The following CNTNAP5 variants were observed in gnomAD, a reference collection of about 807,000 sequenced individuals.
CNTNAP5 encodes the protein contactin associated protein family member 5.
Under a neutral mutation model 150.2 loss-of-function variants are expected in CNTNAP5, and 72 were observed. The ratio of observed to expected loss-of-function variants is 0.48; its 90% CI spans 0.40 to 0.58. The LOEUF (loss-of-function observed/expected upper bound fraction) is 0.58, where lower values mean the gene tolerates loss of function less well. Among genes scored for constraint, CNTNAP5 ranks in the 20% least tolerant of loss-of-function variants. CNTNAP5 has a pLI of 0.00. For synonymous variants in CNTNAP5, 672 were observed against 619.8 expected (o/e 1.08, Z -1.25); for missense variants, 1,636 against 1,626.2 (o/e 1.01, Z -0.10).
chr2:124,476,987 T>C (rs1422647204), intron 7 of CNTNAP5, among the ~76,000 whole-genome samples: 1 of 152,192 alleles, frequency 6.6e-6, no homozygotes. Flanking sequence ...AATTCTCCAC[T>C]GTGTTTTTCT....
chr2:124,561,833 A>T (rs1695900662), intron 10 of CNTNAP5, among the ~76,000 whole-genome samples: 1 of 152,146 alleles, frequency 6.6e-6, no homozygotes, highest in African/African-American at 2.4e-5. Context: ...TGCTTGCCTC[A>T]GATTCTTAGT....
intron 1 of CNTNAP5, among the ~76,000 whole-genome samples, chr2:124,033,372 G>C (rs967653303): frequency 2.0e-5 from 3 of 152,270 alleles, no homozygotes; most frequent in Non-Finnish European, 4.4e-5. Context: ...CAAACAGACT[G>C]ATGTTATGTA....
chr2:124,277,138 T>C (rs546400748), intron 3 of CNTNAP5, among the ~76,000 whole-genome samples: 1 of 152,274 alleles, frequency 6.6e-6, no homozygotes, highest in East Asian at 1.9e-4. Flanking sequence ...AACAGGCTGC[T>C]TTTAAATAAG....
intron 12 of CNTNAP5, among the ~76,000 whole-genome samples, chr2:124,646,116 T>C (rs1360145781): frequency 6.6e-6 from 1 of 152,232 alleles, no homozygotes; most frequent in East Asian, 1.9e-4. Flanking sequence ...TATTTTCTTT[T>C]ATAGAATTGG....
intron 17 of CNTNAP5, among the ~76,000 whole-genome samples, chr2:124,783,727 T>C (rs1349448959): frequency 1.3e-5 from 2 of 152,186 alleles, no homozygotes; most frequent in African/African-American, 4.8e-5. Context: ...ATGAAGCATG[T>C]AGAAGGTTTG....
intron 13 of CNTNAP5, among the ~76,000 whole-genome samples, chr2:124,718,927 A>G (rs1679997950): frequency 6.6e-6 from 1 of 150,696 alleles, no homozygotes. Flanking sequence ...CCTGGGCAAC[A>G]GAGCAAGACT....
At chr2:124,763,468 T>C (rs893608827) in intron 14 of CNTNAP5, among the ~76,000 whole-genome samples, 8 of 152,108 alleles carry the variant, frequency 5.3e-5, no homozygotes, top group Non-Finnish European at 1.2e-4. Flanking sequence ...AATTCACTTG[T>C]TTTTGGAAGC....
chr2:124,081,661 G>A (rs1682560133), intron 1 of CNTNAP5, among the ~76,000 whole-genome samples: 1 of 152,202 alleles, frequency 6.6e-6, no homozygotes. Context: ...GGATGTGGTA[G>A]CAAGTGAGTG....
intron 20 of CNTNAP5, among the ~76,000 whole-genome samples, chr2:124,866,018 C>T (rs886620314): frequency 2.6e-5 from 4 of 151,504 alleles, no homozygotes; most frequent in African/African-American, 9.7e-5. Context: ...AATCCCAACA[C>T]TTTGGGAGGC....
At chr2:124,197,769 C>T (rs966000004) in intron 1 of CNTNAP5, among the ~76,000 whole-genome samples, 3 of 152,016 alleles carry the variant, frequency 2.0e-5, no homozygotes, top group South Asian at 4.1e-4. Context: ...ATCACAAGGT[C>T]AGGAGATCGA....
intron 7 of CNTNAP5, among the ~76,000 whole-genome samples, chr2:124,483,825 T>G (rs2104842407): frequency 6.6e-6 from 1 of 152,370 alleles, no homozygotes; most frequent in East Asian, 1.9e-4. Context: ...TGGCATGGTC[T>G]TATCTTTGTA....
chr2:124,741,253 A>T (rs2105138142), intron 13 of CNTNAP5, among the ~76,000 whole-genome samples: 1 of 152,292 alleles, frequency 6.6e-6, no homozygotes, highest in Non-Finnish European at 1.5e-5. Flanking sequence ...GTCTGTATAC[A>T]TCTATGGAAC....
intron 3 of CNTNAP5, among the ~76,000 whole-genome samples, chr2:124,294,496 G>T (rs1007536611): frequency 6.6e-6 from 1 of 152,138 alleles, no homozygotes; most frequent in Non-Finnish European, 1.5e-5. Context: ...AATCTAGGCA[G>T]TGGAAACCAC....
At chr2:124,792,760 T>C (rs1160824526) in intron 18 of CNTNAP5, among the ~76,000 whole-genome samples, 1 of 152,214 alleles carries the variant, frequency 6.6e-6, no homozygotes, top group East Asian at 1.9e-4. Context: ...GAGCCTTTCA[T>C]ATAAATAGAA....
intron 1 of CNTNAP5, among the ~76,000 whole-genome samples, chr2:124,081,669 G>A (rs1682560227): frequency 6.6e-6 from 1 of 152,194 alleles, no homozygotes; most frequent in Admixed American, 6.5e-5. Flanking sequence ...TAGCAAGTGA[G>A]TGCCTTTATA....
intron 13 of CNTNAP5, among the ~76,000 whole-genome samples, chr2:124,714,759 A>G (rs900546566): frequency 1.3e-5 from 2 of 151,830 alleles, no homozygotes; most frequent in Non-Finnish European, 2.9e-5. Context: ...CTACCTACAT[A>G]TTAAATATAT....
rs937427189 is a variant in CNTNAP5, at chr2:124,423,560, G to A, written c.529+5970G>A. Among the ~76,000 whole-genome samples, 16 of 150,136 alleles carry A rather than the reference G, an allele frequency of 1.1e-4. No individual in the cohort carries two copies. In the South Asian group the frequency reaches 2.5e-3, roughly 24 times the overall value. On this transcript the variant is annotated intron_variant, in intron 4 of 23. Transcript: ENST00000682447. ...TTTTTAGTAGAGACGGGGTTTCACC[G>A]TGGTCTCGATCTCCTGACCTCGTGA...
At chr2:124,908,238 G>A (rs1678579049) in intron 22 of CNTNAP5, among the ~76,000 whole-genome samples, 1 of 151,984 alleles carries the variant, frequency 6.6e-6, no homozygotes, top group African/African-American at 2.4e-5. Flanking sequence ...GGGCATGGTG[G>A]TGCACACCTG....
chr2:124,447,549 G>T (rs1692851963), intron 6 of CNTNAP5, among the ~76,000 whole-genome samples: 1 of 152,184 alleles, frequency 6.6e-6, no homozygotes, highest in Non-Finnish European at 1.5e-5. Context: ...TGCCCCTGCT[G>T]TACACCAGGC....
Sources: allele counts gnomAD v4.1 joint callset (sites outside exome capture counted in the v4.1 genomes callset), GRCh38; gene constraint gnomAD v4.1.1; transcripts MANE v1.5; gene names NCBI Gene and HGNC (gene_info 2026-07-23, HGNC 2026-07-21).